COL5A1: variants seen among roughly 807,000 people sequenced by gnomAD.
COL5A1 encodes the protein collagen type V alpha 1 chain, also known as collagen alpha-1(V) chain.
In COL5A1, 16 loss-of-function variants were observed where a neutral mutation model predicts 263.7. The ratio of observed to expected loss-of-function variants is 0.06; its 90% confidence interval spans 0.04 to 0.09. The LOEUF (loss-of-function observed/expected upper bound fraction) is 0.09, where lower values mean the gene tolerates loss of function less well. Among genes scored for constraint, COL5A1 ranks in the 10% least tolerant of loss-of-function variants. COL5A1 has a pLI of 1.00. For missense variants in COL5A1, 2,036 were observed against 2,540.5 expected, an observed-to-expected ratio of 0.80 and a Z score of 4.27; for synonymous variants, 1,012 against 1,004.5, an observed-to-expected ratio of 1.01 and a Z score of -0.14.
Position 134,731,580 on chromosome 9 carries a change from T to C in COL5A1, c.1249T>C (p.Tyr417His). The C allele has an allele frequency of 6.2e-7, 1 of 1,614,076 alleles. No homozygotes were observed. Among genetic ancestry groups the C allele is most frequent in the African/African-American group, 1.3e-5 (1 of 75,036 alleles). Residue 417 changes from tyrosine (Y) to histidine (H), a missense_variant, in exon 8 of 66, where the codon TAC (tyrosine) becomes CAC (histidine). Coordinates refer to ENST00000371817, the MANE Select transcript of COL5A1 (RefSeq NM_000093.5). ...GATCCGGAACCTTGACGAGAACTAC[T>C]ACGACCCCTACTACGACCCCACCAG... ...ETIRNLDENY[Y>H]DPYYDPTSSP...
chr9:134,778,239 A>C (rs922137195), intron 27 of COL5A1, among the ~76,000 whole-genome samples: 8 of 152,200 alleles, frequency 5.3e-5, no homozygotes, highest in Non-Finnish European at 8.8e-5. Flanking sequence ...TAGGAAAAAA[A>C]CACCACCAAG....
intron 1 of COL5A1, among the ~76,000 whole-genome samples, chr9:134,673,924 G>A (rs4842140): frequency 6.6e-6 from 1 of 152,214 alleles, no homozygotes; most frequent in Non-Finnish European, 1.5e-5. Flanking sequence ...AAATGTTCCA[G>A]AAAAGAAGAC....
At chr9:134,799,924 T>C (rs1047628514) in intron 37 of COL5A1, among the ~76,000 whole-genome samples, 9 of 152,308 alleles carry the variant, frequency 5.9e-5, no homozygotes, top group Middle Eastern at 6.8e-3. Flanking sequence ...CTCAGAAAGT[T>C]GCACATGTAC....
At chr9:134,735,922 G>A (rs1477926042) in intron 9 of COL5A1, among the ~76,000 whole-genome samples, 1 of 152,272 alleles carries the variant, frequency 6.6e-6, no homozygotes, top group Non-Finnish European at 1.5e-5. Flanking sequence ...CCAACCGGGA[G>A]TCCCCTCATC....
In COL5A1 at chr9:134,754,016, G is replaced by T; in HGVS notation, c.1773+113G>T. Reference sequence around the variant, plus strand: ...TGCATGTTTTCAAGGAAATTCGTGGGAATTGTCCTTGCTTTACGCAGTGCT... The same window carrying T: ...TGCATGTTTTCAAGGAAATTCGTGGTAATTGTCCTTGCTTTACGCAGTGCT... On this transcript the variant is annotated intron_variant, in intron 15 of 65. Transcript: ENST00000371817. The surrounding 1 kb of genome is among the most constrained non-coding windows in gnomAD (Gnocchi z 4.3). 9.6e-7 allele frequency: 1 copy of T among 1,039,750 alleles called. No homozygotes were observed. The allele number at this position is 1,039,750 out of a possible 1,614,324, so 64.4% of individuals were successfully genotyped here.
At chr9:134,711,055 G>T (rs1244169099) in intron 4 of COL5A1, among the ~76,000 whole-genome samples, 1 of 152,090 alleles carries the variant, frequency 6.6e-6, no homozygotes, top group African/African-American at 2.4e-5. Context: ...GACCACTTGG[G>T]GGGGCAGCCA....
Position 134,758,193 on chromosome 9 carries a change from T to C in COL5A1, c.1882-50T>C. The C allele has an allele frequency of 6.2e-7, 1 of 1,603,544 alleles. No individual in the cohort carries two copies. ...ACTTGGTGGACACCAAGGCGGGGTGTCCACGTGTGCAGGGTGGCGTCTGAG... is the reference window on the plus strand; with the variant it reads ...ACTTGGTGGACACCAAGGCGGGGTGCCCACGTGTGCAGGGTGGCGTCTGAG... On this transcript the variant is annotated intron_variant, in intron 17 of 65. Transcript: ENST00000371817. The surrounding 1 kb of genome is among the most constrained non-coding windows in gnomAD (Gnocchi z 4.1).
At position 134,758,149 on chromosome 9, in the gene COL5A1, C is replaced by A; in HGVS notation, c.1882-94C>A. The A allele has an allele frequency of 7.6e-7, 1 of 1,322,836 alleles. No individual in the cohort carries two copies. Among genetic ancestry groups the A allele is most frequent in the South Asian group, 1.2e-5 (1 of 84,964 alleles). 81.9% of individuals were successfully genotyped at this position (1,322,836 alleles called of 1,614,324 possible). A position where few individuals can be genotyped will look rare whatever the true frequency, so the allele number is the denominator to read the frequency against. ...GCATAGATGCTGTGTGAAACGTGGTCCAAGGCGGGGCGGCCATCACTTGGT... is the reference window on the plus strand; with the variant it reads ...GCATAGATGCTGTGTGAAACGTGGTACAAGGCGGGGCGGCCATCACTTGGT... On this transcript the variant is annotated intron_variant, in intron 17 of 65. Coordinates refer to ENST00000371817, the MANE Select transcript of COL5A1 (RefSeq NM_000093.5). This position sits in a 1 kb window ranked among gnomAD's most constrained non-coding sequence, Gnocchi z 4.1.
intron 25 of COL5A1, among the ~76,000 whole-genome samples, chr9:134,771,507 C>T (rs1348182271): frequency 6.6e-6 from 1 of 152,200 alleles, no homozygotes; most frequent in African/African-American, 2.4e-5. Flanking sequence ...CTCCCACTCA[C>T]TTGCTGCTAG....
intron 11 of COL5A1, among the ~76,000 whole-genome samples, chr9:134,744,309 A>T (rs936613082): frequency 2.0e-5 from 3 of 152,122 alleles, no homozygotes; most frequent in African/African-American, 7.2e-5. Context: ...ACATGCACTC[A>T]CATTCACATG....
At chr9:134,815,732 C>T (rs1588582823) in intron 51 of COL5A1, 103 bp downstream of exon 51, 2 of 1,387,204 alleles carry the variant, frequency 1.4e-6, no homozygotes, top group East Asian at 4.8e-5. Context: ...GATGAACTCC[C>T]ACTGGGGCAG....
chr9:134,818,459 C>A lies in COL5A1; in HGVS notation c.4231-197C>A, dbSNP rs902081779. ...TCAGCGGAGACGGGATCCCTGCTGGCCTGGGAGATGATCGGGATGGAGACT... is the reference window on the plus strand; with the variant it reads ...TCAGCGGAGACGGGATCCCTGCTGGACTGGGAGATGATCGGGATGGAGACT... On this transcript the variant is annotated intron_variant, in intron 54 of 65. Transcript: ENST00000371817. This position sits in a 1 kb window ranked among gnomAD's most constrained non-coding sequence, Gnocchi z 6.0. Among the ~76,000 whole-genome samples, 1 of 152,180 alleles carries A rather than the reference C, an allele frequency of 6.6e-6. No individual in the cohort carries two copies. The highest frequency in any genetic ancestry group is 6.5e-5 in the Admixed American group (1 of 15,290).
rs185912349 is a variant in COL5A1, at chr9:134,647,687, G to T, written c.109+5391G>T. ...TGAGCGTGAGGCTGTGGGTTCTGCC[G>T]CAGGGCAAGCCGGGTCCAGCTGGAT... On this transcript the variant is annotated intron_variant, in intron 1 of 65. Transcript: ENST00000371817. The surrounding 1 kb of genome is among the most constrained non-coding windows in gnomAD (Gnocchi z 5.0). Among the ~76,000 whole-genome samples, 678 of 152,302 alleles carry T rather than the reference G, an allele frequency of 4.5e-3. 32 individuals are homozygous for T. The South Asian group carries it at 0.096, about 22-fold the overall frequency.
intron 63 of COL5A1, among the ~76,000 whole-genome samples, chr9:134,826,746 C>T (rs1000314607): frequency 5.6e-5 from 7 of 125,644 alleles, no homozygotes; most frequent in Non-Finnish European, 9.8e-5. Context: ...ACATGGTGTT[C>T]GGGTGTGTGT....
intron 9 of COL5A1, among the ~76,000 whole-genome samples, chr9:134,734,872 CTT>C (rs1488912572): frequency 6.6e-6 from 1 of 152,182 alleles, no homozygotes; most frequent in African/African-American, 2.4e-5. Context: ...TTGAGATTGT[CTT>C]GAGTTCTGCC....
chr9:134,829,409 G>A (rs1163655465), intron 63 of COL5A1, among the ~76,000 whole-genome samples: 8 of 118,678 alleles, frequency 6.7e-5, no homozygotes, highest in East Asian at 2.7e-4. Flanking sequence ...GGCTCCTCAC[G>A]CAGCCTCCGG....
Position 134,758,431 on chromosome 9 carries a change from A to C in COL5A1, c.1935+135A>C. On this transcript the variant is annotated intron_variant, in intron 18 of 65. Transcript: ENST00000371817. The surrounding 1 kb of genome is among the most constrained non-coding windows in gnomAD (Gnocchi z 4.1). ...CGCCATTCCAACAGTCAGTATACAAACCTCACGGGAGTCAGCAATGGCAGT... is the reference window on the plus strand; with the variant it reads ...CGCCATTCCAACAGTCAGTATACAACCCTCACGGGAGTCAGCAATGGCAGT... The C allele has an allele frequency of 1.2e-6, 1 of 854,434 alleles. No individual in the cohort carries two copies. Among genetic ancestry groups the C allele is most frequent in the African/African-American group, 1.7e-5 (1 of 59,470 alleles). The allele number at this position is 854,434 out of a possible 1,614,324, so 52.9% of individuals were successfully genotyped here.
intron 4 of COL5A1, among the ~76,000 whole-genome samples, chr9:134,714,439 G>A (rs939119596): frequency 6.7e-6 from 1 of 148,822 alleles, no homozygotes. Flanking sequence ...TGTTTATGGT[G>A]GTGGATATGC....
chr9:134,773,131 C>T (rs375380399), intron 26 of COL5A1, among the ~76,000 whole-genome samples: 4 of 143,994 alleles, frequency 2.8e-5, no homozygotes, highest in East Asian at 2.2e-4. Flanking sequence ...GCAGTGTCTC[C>T]GTGTTCAGCC....
Sources: allele counts gnomAD v4.1 joint callset (sites outside exome capture counted in the v4.1 genomes callset), GRCh38; gene constraint gnomAD v4.1.1; non-coding constraint Gnocchi (gnomAD v3.1); transcripts MANE v1.5; gene names NCBI Gene and HGNC (gene_info 2026-07-23, HGNC 2026-07-21).